PCDH11X: variants seen among roughly 807,000 people sequenced by gnomAD.
The protein encoded by PCDH11X is protocadherin 11 X-linked, also known as protocadherin-11 X-linked.
PCDH11X carries 18 observed loss-of-function variants against 53.3 expected under a neutral mutation model. The ratio of observed to expected loss-of-function variants is 0.34; its 90% confidence interval spans 0.23 to 0.50. The LOEUF is 0.50. Among genes scored for constraint, PCDH11X ranks in the 20% least tolerant of loss-of-function variants. The pLI is 0.98. For synonymous variants in PCDH11X, 279 were observed against 393.3 expected, an observed-to-expected ratio of 0.71 and a Z score of 3.44; for missense variants, 570 against 1,032.4, an observed-to-expected ratio of 0.55 and a Z score of 6.14.
chrX:92,063,481 G>T (rs2063556861), intron 6 of PCDH11X, among the ~76,000 whole-genome samples: 1 of 110,904 alleles, frequency 9.0e-6, no homozygotes, highest in South Asian at 3.9e-4. Flanking sequence ...TAGATTTCTT[G>T]GATTGCATTT....
chrX:92,484,151 GTATATATGTATA>G (rs1569494491), intron 10 of PCDH11X, among the ~76,000 whole-genome samples: 524 of 35,898 alleles, frequency 0.015, 5 homozygotes, highest in African/African-American at 0.047. Context: ...GTATATATAT[GTATATATGTATA>G]TATGTATATA....
At chrX:92,075,691 T>A (rs2063762682) in intron 6 of PCDH11X, among the ~76,000 whole-genome samples, 1 of 112,036 alleles carries the variant, frequency 8.9e-6, no homozygotes, top group South Asian at 3.7e-4. Context: ...ATCATTCTGC[T>A]TCTTTAAAAG....
chrX:91,917,470 G>T (rs1173011290), intron 6 of PCDH11X, among the ~76,000 whole-genome samples: 1 of 79,713 alleles, frequency 1.3e-5, no homozygotes, highest in African/African-American at 4.7e-5. Flanking sequence ...AAAGTTTCAG[G>T]ATACAAAATC....
chrX:92,553,163 CAT>C (rs1230457485), intron 10 of PCDH11X, among the ~76,000 whole-genome samples: 1 of 107,612 alleles, frequency 9.3e-6, no homozygotes, highest in East Asian at 2.9e-4. Context: ...CTTTTCTTTA[CAT>C]GTTTGGTAGA....
At chrX:92,268,358 C>T (rs1041884783) in intron 8 of PCDH11X, among the ~76,000 whole-genome samples, 20 of 109,600 alleles carry the variant, frequency 1.8e-4, no homozygotes, top group African/African-American at 6.3e-4. Context: ...GTGGTGTGAT[C>T]CCAGCTCACT....
At chrX:92,329,362 G>A (rs1484869077) in intron 8 of PCDH11X, among the ~76,000 whole-genome samples, 1 of 111,118 alleles carries the variant, frequency 9.0e-6, no homozygotes, top group African/African-American at 3.3e-5. Context: ...TTTACTTAAG[G>A]ATCAGGAACA....
At chrX:91,911,256 G>T (rs1424306780) in intron 6 of PCDH11X, among the ~76,000 whole-genome samples, 1 of 108,949 alleles carries the variant, frequency 9.2e-6, no homozygotes, top group Non-Finnish European at 1.9e-5. Flanking sequence ...CATGTCCAGG[G>T]ATAGTTCTAT....
At chrX:92,216,289 A>T (rs2066709885) in intron 7 of PCDH11X, among the ~76,000 whole-genome samples, 1 of 110,461 alleles carries the variant, frequency 9.1e-6, no homozygotes, top group African/African-American at 3.3e-5. Context: ...AAGGCAAATA[A>T]GTTGAAAACT....
chrX:92,287,593 C>T (rs1314219578), intron 8 of PCDH11X, among the ~76,000 whole-genome samples: 4 of 112,045 alleles, frequency 3.6e-5, no homozygotes, highest in African/African-American at 6.5e-5. Flanking sequence ...CTGTCCTGTA[C>T]GATCCAGCAT....
chrX:92,103,785 T>A (rs942087821), intron 6 of PCDH11X, among the ~76,000 whole-genome samples: 11 of 112,216 alleles, frequency 9.8e-5, no homozygotes, highest in Middle Eastern at 4.6e-3. Flanking sequence ...GAGATGTGGC[T>A]GGGGTTTGTC....
chrX:92,522,422 A>G (rs5942280), intron 10 of PCDH11X, among the ~76,000 whole-genome samples: 3,185 of 111,349 alleles, frequency 0.029, 47 homozygotes, highest in Non-Finnish European at 0.047. Flanking sequence ...TCCAAAAGCA[A>G]TTATAATAGT....
chrX:92,240,834 AACT>A (rs1483140724), intron 7 of PCDH11X, among the ~76,000 whole-genome samples: 1 of 110,227 alleles, frequency 9.1e-6, no homozygotes, highest in Non-Finnish European at 1.9e-5. Context: ...TAGTAGAATA[AACT>A]ACTTTTTTTT....
intron 10 of PCDH11X, among the ~76,000 whole-genome samples, chrX:92,498,825 A>G (rs963088781): frequency 3.4e-4 from 36 of 106,868 alleles, no homozygotes; most frequent in African/African-American, 1.2e-3. Context: ...AGTGATTGTA[A>G]AATACCCAAT....
At chrX:92,013,982 T>C (rs1401746167) in intron 6 of PCDH11X, among the ~76,000 whole-genome samples, 1 of 111,546 alleles carries the variant, frequency 9.0e-6, no homozygotes, top group Admixed American at 9.6e-5. Context: ...GGCAAGGACT[T>C]CATGTCTAAA....
intron 4 of PCDH11X, among the ~76,000 whole-genome samples, chrX:91,815,578 C>T (rs1224425060): frequency 9.1e-6 from 1 of 109,349 alleles, no homozygotes; most frequent in Non-Finnish European, 1.9e-5. Context: ...GAGCTATCAA[C>T]TAATTATTTT....
At chrX:91,995,858 T>G (rs1400710652) in intron 6 of PCDH11X, among the ~76,000 whole-genome samples, 1 of 107,494 alleles carries the variant, frequency 9.3e-6, no homozygotes, top group Non-Finnish European at 1.9e-5. Flanking sequence ...TTTTGTTTTT[T>G]TTTTTTTTTG....
At chrX:92,373,576 T>C (rs1371173429) in intron 8 of PCDH11X, among the ~76,000 whole-genome samples, 2 of 111,255 alleles carry the variant, frequency 1.8e-5, no homozygotes, top group African/African-American at 6.6e-5. Flanking sequence ...TTAAAATCCT[T>C]CACTGCATTA....
intron 9 of PCDH11X, among the ~76,000 whole-genome samples, chrX:92,444,869 G>T (rs1272203610): frequency 1.1e-5 from 1 of 93,562 alleles, no homozygotes; most frequent in African/African-American, 3.8e-5. Context: ...TTATTGATTT[G>T]TGTATGTTGA....
At chrX:92,321,632 G>A (rs1410831017) in intron 8 of PCDH11X, among the ~76,000 whole-genome samples, 1 of 111,572 alleles carries the variant, frequency 9.0e-6, no homozygotes, top group African/African-American at 3.3e-5. Flanking sequence ...GCCTGCTAAG[G>A]CCTTAGATCC....
Sources: gnomAD v4.1 joint callset for allele counts (sites outside exome capture counted in the v4.1 genomes callset) on GRCh38, gnomAD v4.1.1 for gene constraint, MANE v1.5 for transcripts, NCBI Gene and HGNC (gene_info 2026-07-23, HGNC 2026-07-21) for gene names.